The following GPLD1 variants were observed in gnomAD, a reference collection of about 807,000 sequenced individuals.
GPLD1 encodes the protein glycosylphosphatidylinositol specific phospholipase D1, also known as phosphatidylinositol-glycan-specific phospholipase D.
Under a neutral mutation model 112.6 loss-of-function variants are expected in GPLD1, and 84 were observed. The ratio of observed to expected loss-of-function variants is 0.75; its 90% confidence interval spans 0.63 to 0.89. GPLD1 has a LOEUF of 0.89. Among genes scored for constraint, GPLD1 ranks in the 40% least tolerant of loss-of-function variants. The pLI is 0.00. For missense variants in GPLD1, 1,044 were observed against 1,051.5 expected (o/e 0.99, Z 0.10); for synonymous variants, 386 against 403.8 (o/e 0.96, Z 0.53).
chr6:24,462,630 T>C, intron 11 of GPLD1, 100 bp downstream of exon 11: 1 of 752,176 alleles, frequency 1.3e-6, no homozygotes, highest in South Asian at 1.6e-5. Context: ...AATTTGAACC[T>C]ACAGCTGTCT....
At chr6:24,436,077 G>A (rs1762570542) in intron 22 of GPLD1, among the ~76,000 whole-genome samples, 1 of 151,780 alleles carries the variant, frequency 6.6e-6, no homozygotes, top group Non-Finnish European at 1.5e-5. Context: ...GCAACATAGT[G>A]AGGCCCCATC....
At chr6:24,447,537 TAAC>T (rs369286624) in intron 17 of GPLD1, among the ~76,000 whole-genome samples, 5,073 of 151,196 alleles carry the variant, frequency 0.034, 80 homozygotes, top group Middle Eastern at 0.082. Context: ...AAAACAACAA[TAAC>T]AACAACAACA....
chr6:24,424,753 C>CTGG (rs1762171102), downstream of GPLD1: 1 of 152,168 alleles, frequency 6.6e-6, no homozygotes, highest in African/African-American at 2.4e-5. Context: ...CCAGCTCTTG[C>CTGG]ACTACAAATG....
chr6:24,463,680 G>T (rs1471910612), intron 10 of GPLD1, among the ~76,000 whole-genome samples: 1 of 152,164 alleles, frequency 6.6e-6, no homozygotes, highest in East Asian at 1.9e-4. Context: ...CTACTTCATT[G>T]CTTTTTTAAG....
intron 2 of GPLD1, among the ~76,000 whole-genome samples, chr6:24,480,853 G>C (rs1740116989): frequency 6.6e-6 from 1 of 152,150 alleles, no homozygotes; most frequent in African/African-American, 2.4e-5. Flanking sequence ...ATATGGCCCA[G>C]CCTCCACCAC....
rs548251551 is a variant in GPLD1, at chr6:24,431,996, CAA to C, written c.2436+1189_2436+1190del. Among the ~76,000 whole-genome samples the C allele has an allele frequency of 5.1e-4, 77 of 150,992 alleles. 1 individual carries two copies. The highest frequency in any genetic ancestry group is 1.8e-3 in the African/African-American group (76 of 41,234). On this transcript the variant is annotated intron_variant, in intron 24 of 24. Coordinates refer to ENST00000230036, the MANE Select transcript of GPLD1 (RefSeq NM_001503.4). The stretch of plus-strand genomic sequence containing the variant: ...TCACTATGGCCTTGTCTGTAATAGC[CAA>C]AAAAAATGGGGGGCCAAGGTGGGTG...
At chr6:24,492,542 A>T (rs1172007681), upstream of GPLD1, among the ~76,000 whole-genome samples, 3 of 151,360 alleles carry the variant, frequency 2.0e-5, no homozygotes, top group Non-Finnish European at 2.9e-5. Flanking sequence ...AAGAAAAAAA[A>T]GAAAAAGAAA....
intron 14 of GPLD1, 114 bp downstream of exon 14, chr6:24,453,901 G>T: frequency 2.9e-6 from 2 of 698,108 alleles, no homozygotes; most frequent in South Asian, 3.7e-5. Context: ...TACACCACCA[G>T]CTGTTTGTTA....
At chr6:24,439,727 T>C (rs1178561382) in intron 20 of GPLD1, among the ~76,000 whole-genome samples, 1 of 152,210 alleles carries the variant, frequency 6.6e-6, no homozygotes, top group Non-Finnish European at 1.5e-5. Flanking sequence ...ATTTCAGTAC[T>C]GAAAATAATT....
At position 24,433,347 on chromosome 6, in the gene GPLD1, TTC is replaced by T; in HGVS notation, c.2385+14_2385+15del. 2 of 1,607,618 alleles carry T rather than the reference TTC, an allele frequency of 1.2e-6. No homozygotes were observed. Among genetic ancestry groups the T allele is most frequent in the Non-Finnish European group, 1.7e-6 (2 of 1,174,064 alleles). ...TTGGTAATTTTTCTTTCTTCAGTCT[TTC>T]AAGGGATACTTACTTCAGGAGAAAT... is the stretch of plus-strand genomic sequence containing the variant. On this transcript the variant is annotated intron_variant, in intron 23 of 24. Coordinates refer to ENST00000230036, the MANE Select transcript of GPLD1 (RefSeq NM_001503.4).
chr6:24,431,726 G>T (rs894973418), intron 24 of GPLD1, among the ~76,000 whole-genome samples: 2 of 151,730 alleles, frequency 1.3e-5, no homozygotes. Flanking sequence ...GTAGAGCCGG[G>T]GTTTCACCAT....
At chr6:24,494,958 C>A in intron 1 of GPLD1, 1 of 1,293,378 alleles carries the variant, frequency 7.7e-7, no homozygotes, top group Non-Finnish European at 9.8e-7. Context: ...TGCGCGCGCG[C>A]CCGCTTGCCT....
rs749465648 is a variant in GPLD1 at position 24,460,410 on chromosome 6, GAA to G, written c.888-13_888-12del. 1 of 1,613,040 alleles carries G rather than the reference GAA, an allele frequency of 6.2e-7. No individual in the cohort carries two copies. The highest frequency in any genetic ancestry group is 8.5e-7 in the Non-Finnish European group (1 of 1,179,588). ...TTCTGCATTTTTGAGCTGTTGAAGA[GAA>G]AGAGGAATAAACTGGTTACGACTGA... On this transcript the variant is annotated splice_polypyrimidine_tract_variant and intron_variant, in intron 11 of 24. Transcript: ENST00000230036.
intron 1 of GPLD1, 79 bp from the exon 2 acceptor site, chr6:24,486,209 A>C: frequency 2.3e-6 from 2 of 881,660 alleles, no homozygotes; most frequent in Non-Finnish European, 3.7e-6. Context: ...TTTTAAAAGA[A>C]AAATACACAA....
intron 4 of GPLD1, among the ~76,000 whole-genome samples, chr6:24,475,688 CAAAAAA>C: frequency 8.8e-6 from 1 of 113,284 alleles, no homozygotes; most frequent in African/African-American, 3.5e-5. Flanking sequence ...ACTAAAAATA[CAAAAAA>C]AAAAAAAAAA....
rs1762272655 is a variant in GPLD1, at chr6:24,427,463, A to T, written c.*1569T>A. ...GTGTTAGAACAGCCAACTCTACAAA[A>T]GTATTGGAGGGCACAGAAGGGTGAT... On this transcript the variant is annotated 3_prime_UTR_variant, in exon 25 of 25. Coordinates refer to ENST00000230036, the MANE Select transcript of GPLD1 (RefSeq NM_001503.4). 6.6e-6 allele frequency among the ~76,000 whole-genome samples: 1 copy of T among 152,206 alleles called. No homozygotes were observed. The highest frequency in any genetic ancestry group is 1.5e-5 in the Non-Finnish European group (1 of 68,040).
chr6:24,479,980 G>C, intron 2 of GPLD1, 21 bp from the exon 3 acceptor site: 1 of 1,492,472 alleles, frequency 6.7e-7, no homozygotes. Context: ...AGAAAATACA[G>C]AGATTAAGGG....
At chr6:24,452,391 G>T (rs1763119869) in intron 14 of GPLD1, among the ~76,000 whole-genome samples, 1 of 152,176 alleles carries the variant, frequency 6.6e-6, no homozygotes, top group Non-Finnish European at 1.5e-5. Context: ...CTTACACACT[G>T]ACCAGTCACC....
intron 10 of GPLD1, among the ~76,000 whole-genome samples, chr6:24,463,798 T>C (rs77818310): frequency 0.12 from 18,672 of 152,210 alleles, 1,282 homozygotes; most frequent in Middle Eastern, 0.17. Context: ...CTGTTATGAA[T>C]TTTTTTGTGT....
Sources: allele counts gnomAD v4.1 joint callset (sites outside exome capture counted in the v4.1 genomes callset), GRCh38; gene constraint gnomAD v4.1.1; transcripts MANE v1.5; gene names NCBI Gene and HGNC (gene_info 2026-07-23, HGNC 2026-07-21).